Variants in PRKAG2 observed in about 807,000 individuals in gnomAD.
The protein encoded by PRKAG2 is 5'-AMP-activated protein kinase subunit gamma-2.
PRKAG2 carries 26 observed loss-of-function variants against 69.6 expected under a neutral mutation model. The observed-to-expected ratio is 0.37, with a 90% CI of 0.27 to 0.52. The LOEUF (loss-of-function observed/expected upper bound fraction) is 0.52, where lower values mean the gene tolerates loss of function less well. Among genes scored for constraint, PRKAG2 ranks in the 20% least tolerant of loss-of-function variants. The pLI is 0.90. For synonymous variants in PRKAG2, 293 were observed against 285.0 expected, an observed-to-expected ratio of 1.03 and a Z score of -0.28; for missense variants, 557 against 740.0, an observed-to-expected ratio of 0.75 and a Z score of 2.87.
intron 5 of PRKAG2, among the ~76,000 whole-genome samples, chr7:151,623,952 T>C (rs944552625): frequency 6.6e-6 from 1 of 152,148 alleles, no homozygotes; most frequent in East Asian, 1.9e-4. Flanking sequence ...AACATTCCAC[T>C]TCCAAGAAAA....
chr7:151,653,579 T>C (rs1192362264), intron 4 of PRKAG2, among the ~76,000 whole-genome samples: 1 of 152,214 alleles, frequency 6.6e-6, no homozygotes, highest in Admixed American at 6.5e-5. Context: ...CAGTGGCTCA[T>C]GCCTCTAATT....
At chr7:151,584,590 A>G (rs1811211556) in intron 6 of PRKAG2, among the ~76,000 whole-genome samples, 1 of 152,236 alleles carries the variant, frequency 6.6e-6, no homozygotes, top group Non-Finnish European at 1.5e-5. Flanking sequence ...TTCCGGAGAA[A>G]AGCAAGCACT....
chr7:151,848,573 G>A (rs1393904254), intron 1 of PRKAG2, among the ~76,000 whole-genome samples: 1 of 125,822 alleles, frequency 7.9e-6, no homozygotes, highest in Non-Finnish European at 1.5e-5. Context: ...TGCCCAGGCT[G>A]GAGGGCAGTG....
intron 3 of PRKAG2, among the ~76,000 whole-genome samples, chr7:151,751,838 T>C (rs1284022702): frequency 6.6e-6 from 1 of 152,146 alleles, no homozygotes; most frequent in Non-Finnish European, 1.5e-5. Flanking sequence ...TGTGGGTGTT[T>C]AGGTTGTCTC....
chr7:151,614,671 G>A lies in PRKAG2; in HGVS notation c.754+17398C>T, dbSNP rs996981715. On this transcript the variant is annotated intron_variant, in intron 5 of 15. Transcript: ENST00000287878. The surrounding 1 kb of genome is among the most constrained non-coding windows in gnomAD (Gnocchi z 4.4). ...TCTTTCAGAGCAAACAGCTCGCAGT[G>A]ATGATCTGTGGCCCTAAGCCCACTT... Among the ~76,000 whole-genome samples, 4 of 152,180 alleles carry A rather than the reference G, an allele frequency of 2.6e-5. No homozygotes were observed. Among genetic ancestry groups the A allele is most frequent in the African/African-American group, 9.7e-5 (4 of 41,442 alleles).
rs1284829738 is a variant in PRKAG2, at chr7:151,872,287, G to GC, written c.114+4219_114+4220insG. 5.9e-5 allele frequency among the ~76,000 whole-genome samples: 9 copies of GC among 152,132 alleles called. No individual in the cohort carries two copies. The South Asian group carries it at 6.3e-4, about 11-fold the overall frequency. On this transcript the variant is annotated intron_variant, in intron 1 of 15. Coordinates refer to ENST00000287878, the MANE Select transcript of PRKAG2 (RefSeq NM_016203.4). ...TTCAGGCCCTCGGACCCTTACCCTG[G>GC]GGGGGGGCTTTTGCCAAAGTACTTG...
chr7:151,761,271 G>A (rs1000500468), intron 3 of PRKAG2, among the ~76,000 whole-genome samples: 2 of 152,188 alleles, frequency 1.3e-5, no homozygotes, highest in Non-Finnish European at 2.9e-5. Context: ...GCAAGGTTAG[G>A]ATTGAGAGAG....
chr7:151,782,747 C>T (rs553259067), intron 2 of PRKAG2, among the ~76,000 whole-genome samples: 2 of 152,294 alleles, frequency 1.3e-5, no homozygotes, highest in African/African-American at 4.8e-5. Flanking sequence ...TGGCCGTGCC[C>T]TCACCTCAAG....
chr7:151,596,728 T>C (rs2151142006), intron 5 of PRKAG2, among the ~76,000 whole-genome samples: 1 of 151,804 alleles, frequency 6.6e-6, no homozygotes, highest in South Asian at 2.1e-4. Context: ...CAGCTTTGGT[T>C]ACAAAGTGAG....
At position 151,584,653 on chromosome 7, in the gene PRKAG2, C is replaced by T. The variant is rs1392661155; in HGVS notation, c.865-8201G>A. Among the ~76,000 whole-genome samples the T allele has an allele frequency of 4.6e-5, 7 of 152,164 alleles. 1 individual carries two copies. Among genetic ancestry groups the T allele is most frequent in the African/African-American group, 9.7e-5 (4 of 41,424 alleles). ...CAAGGAAGGCTAGGCACAGTGGCTTCGGGAGGCCGCAGCGCTGAGGATCGC... is the reference window on the plus strand; with the variant it reads ...CAAGGAAGGCTAGGCACAGTGGCTTTGGGAGGCCGCAGCGCTGAGGATCGC... On this transcript the variant is annotated intron_variant, in intron 6 of 15. Coordinates refer to ENST00000287878, the MANE Select transcript of PRKAG2 (RefSeq NM_016203.4).
Position 151,670,766 on chromosome 7 carries a change from T to C in PRKAG2, c.684+4654A>G, listed in dbSNP as rs73481960. Among the ~76,000 whole-genome samples the C allele has an allele frequency of 2.9e-3, 445 of 152,330 alleles. 1 individual carries two copies. Among genetic ancestry groups the C allele is most frequent in the African/African-American group, 0.01 (429 of 41,574 alleles). On this transcript the variant is annotated intron_variant, in intron 4 of 15. Transcript: ENST00000287878. ...AATCAAATGGTAAATAAAACAAACATTGGCCTTTTCCCATTAGCAGGGCTC... is the reference window on the plus strand; with the variant it reads ...AATCAAATGGTAAATAAAACAAACACTGGCCTTTTCCCATTAGCAGGGCTC...
At chr7:151,870,142 TAGATAGATAGATAGGC>T (rs1436934201) in intron 1 of PRKAG2, among the ~76,000 whole-genome samples, 7 of 131,468 alleles carry the variant, frequency 5.3e-5, no homozygotes, top group African/African-American at 8.1e-5. Context: ...GATAGATAGA[TAGATAGATAGATAGGC>T]AGGCAGGCAG....
chr7:151,728,771 C>A (rs954151466), intron 3 of PRKAG2, among the ~76,000 whole-genome samples: 1 of 152,162 alleles, frequency 6.6e-6, no homozygotes, highest in African/African-American at 2.4e-5. Flanking sequence ...CCTCTCACAG[C>A]CCTGATGAGC....
chr7:151,753,699 G>A (rs759849533), intron 3 of PRKAG2, among the ~76,000 whole-genome samples: 2 of 152,080 alleles, frequency 1.3e-5, no homozygotes, highest in South Asian at 4.1e-4. Flanking sequence ...TTACAAGCGT[G>A]AGCCACCTCG....
chr7:151,694,798 T>C (rs1030942554), intron 3 of PRKAG2, among the ~76,000 whole-genome samples: 5 of 152,298 alleles, frequency 3.3e-5, no homozygotes, highest in Admixed American at 2.0e-4. Flanking sequence ...TGACAGCAAC[T>C]ATGGTTGCTG....
chr7:151,687,662 G>C (rs979014313), intron 3 of PRKAG2, among the ~76,000 whole-genome samples: 1 of 152,092 alleles, frequency 6.6e-6, no homozygotes, highest in African/African-American at 2.4e-5. Context: ...GGCTCTGAGA[G>C]GTGAAGTGTG....
At chr7:151,653,811 T>C (rs776944297) in intron 4 of PRKAG2, among the ~76,000 whole-genome samples, 12 of 152,166 alleles carry the variant, frequency 7.9e-5, no homozygotes, top group Non-Finnish European at 1.5e-4. Context: ...CACTGCACTC[T>C]AGCCTGAGTG....
chr7:151,580,330 G>C (rs923452023), intron 6 of PRKAG2, among the ~76,000 whole-genome samples: 2 of 152,174 alleles, frequency 1.3e-5, no homozygotes, highest in African/African-American at 4.8e-5. Flanking sequence ...CTGGGTGACA[G>C]AGTGAGACTC....
At chr7:151,802,963 T>TA (rs377439990) in intron 1 of PRKAG2, among the ~76,000 whole-genome samples, 2,464 of 108,640 alleles carry the variant, frequency 0.023, 65 homozygotes, top group African/African-American at 0.065. Context: ...TATATATATA[T>TA]TTTTTTTTTT....
Sources: gnomAD v4.1 joint callset for allele counts (sites outside exome capture counted in the v4.1 genomes callset) on GRCh38, gnomAD v4.1.1 for gene constraint, Gnocchi (gnomAD v3.1) non-coding constraint, MANE v1.5 for transcripts, NCBI Gene and HGNC (gene_info 2026-07-23, HGNC 2026-07-21) for gene names.